Variants in ENTREP2 observed in about 807,000 individuals in gnomAD.
ENTREP2 encodes the protein endosomal transmembrane epsin interactor 2.
At chr15:29,322,439 T>C in the ENTREP2 span, among the ~76,000 whole-genome samples, 2 of 152,342 alleles carry the variant, frequency 1.3e-5, no homozygotes, top group African/African-American at 4.8e-5. Flanking sequence ...TCATATATTT[T>C]CTTATTCTTA....
At chr15:29,336,383 C>T in the ENTREP2 span, among the ~76,000 whole-genome samples, 1 of 151,870 alleles carries the variant, frequency 6.6e-6, no homozygotes, top group South Asian at 2.1e-4. Flanking sequence ...GTGATCACAG[C>T]TCACTGCAGC....
chr15:29,157,408 G>A, the ENTREP2 span, among the ~76,000 whole-genome samples: 1 of 151,980 alleles, frequency 6.6e-6, no homozygotes, highest in Non-Finnish European at 1.5e-5. Flanking sequence ...TTTCTTTGAT[G>A]AAATTACCAT....
At chr15:29,176,019 C>A in the ENTREP2 span, among the ~76,000 whole-genome samples, 2 of 152,324 alleles carry the variant, frequency 1.3e-5, no homozygotes, top group African/African-American at 4.8e-5. Context: ...AAAGCCCAGG[C>A]AGATTAAGGA....
chr15:29,354,739 G>A, the ENTREP2 span, among the ~76,000 whole-genome samples: 1 of 152,108 alleles, frequency 6.6e-6, no homozygotes, highest in Non-Finnish European at 1.5e-5. Flanking sequence ...AAGAGAAAAG[G>A]AGACTGCCCC....
chr15:29,312,441 T>A, the ENTREP2 span, among the ~76,000 whole-genome samples: 13,499 of 152,138 alleles, frequency 0.089, 663 homozygotes, highest in East Asian at 0.2. Flanking sequence ...AGATGTTGAG[T>A]TTTTTTACGG....
At chr15:29,638,299 G>A in the ENTREP2 span, among the ~76,000 whole-genome samples, 3 of 152,192 alleles carry the variant, frequency 2.0e-5, no homozygotes, top group Non-Finnish European at 4.4e-5. Flanking sequence ...GTGATCCTTG[G>A]TGGTGGGGGT....
At chr15:29,154,277 T>C in the ENTREP2 span, among the ~76,000 whole-genome samples, 1 of 152,126 alleles carries the variant, frequency 6.6e-6, no homozygotes, top group East Asian at 1.9e-4. Flanking sequence ...TGTTCTTTTT[T>C]TTTGCCTCGT....
the ENTREP2 span, among the ~76,000 whole-genome samples, chr15:29,500,858 G>A: frequency 6.6e-6 from 1 of 151,916 alleles, no homozygotes; most frequent in Non-Finnish European, 1.5e-5. Context: ...GCTGAGCAAA[G>A]AAAAAATAGA....
At chr15:29,296,883 A>G in the ENTREP2 span, among the ~76,000 whole-genome samples, 22,204 of 152,130 alleles carry the variant, frequency 0.15, 2,446 homozygotes, top group African/African-American at 0.31. Context: ...AAACTGTAGC[A>G]CATGGGTCAA....
At chr15:29,325,655 G>A in the ENTREP2 span, among the ~76,000 whole-genome samples, 1 of 151,816 alleles carries the variant, frequency 6.6e-6, no homozygotes, top group African/African-American at 2.4e-5. Flanking sequence ...TTTCACTGAC[G>A]AATCCTACTA....
chr15:29,596,778 C>G, the ENTREP2 span, among the ~76,000 whole-genome samples: 1 of 152,004 alleles, frequency 6.6e-6, no homozygotes, highest in African/African-American at 2.4e-5. Context: ...AGCCATTCTC[C>G]CTGCCTCAGC....
At chr15:29,319,894 C>T in the ENTREP2 span, among the ~76,000 whole-genome samples, 26,313 of 152,076 alleles carry the variant, frequency 0.17, 2,837 homozygotes, top group Non-Finnish European at 0.25. Flanking sequence ...AGGGGGACAC[C>T]CTACACTTTT....
At chr15:29,300,400 T>TGGATGGAC in the ENTREP2 span, among the ~76,000 whole-genome samples, 1 of 142,448 alleles carries the variant, frequency 7.0e-6, no homozygotes, top group African/African-American at 2.6e-5. Flanking sequence ...GATGGATAAA[T>TGGATGGAC]GGATGGATGG....
chr15:29,117,870 G>C, the ENTREP2 span: 95,366 of 151,392 alleles, frequency 0.63, 35,543 homozygotes, highest in Middle Eastern at 0.85. Flanking sequence ...GCATACCCGG[G>C]CAGGGCTCCC....
At chr15:29,571,851 C>A in the ENTREP2 span, among the ~76,000 whole-genome samples, 1 of 152,014 alleles carries the variant, frequency 6.6e-6, no homozygotes, top group Non-Finnish European at 1.5e-5. Context: ...AAAAGGGCTG[C>A]ATTGACAGAT....
At chr15:29,374,266 T>C in the ENTREP2 span, 1 of 152,168 alleles carries the variant, frequency 6.6e-6, no homozygotes, top group Non-Finnish European at 1.5e-5. Flanking sequence ...ATTCTTTGTT[T>C]CCTTTTTCCT....
chr15:29,198,950 A>G, the ENTREP2 span, among the ~76,000 whole-genome samples: 26 of 152,362 alleles, frequency 1.7e-4, no homozygotes, highest in South Asian at 5.2e-3. Flanking sequence ...TCACTGTTGT[A>G]TATTACATTG....
chr15:29,328,524 GA>G, the ENTREP2 span, among the ~76,000 whole-genome samples: 1 of 152,192 alleles, frequency 6.6e-6, no homozygotes, highest in African/African-American at 2.4e-5. Flanking sequence ...GGGTTGGGGG[GA>G]AAAGGTGCTG....
the ENTREP2 span, among the ~76,000 whole-genome samples, chr15:29,296,820 G>C: frequency 2.6e-5 from 4 of 152,170 alleles, no homozygotes; most frequent in African/African-American, 9.7e-5. Context: ...CATCCCTTAA[G>C]AGCAGGTCTA....
Sources: gnomAD v4.1 joint callset for allele counts (sites outside exome capture counted in the v4.1 genomes callset) on GRCh38, gnomAD v4.1.1 for gene constraint, MANE v1.5 for transcripts, NCBI Gene and HGNC (gene_info 2026-07-23, HGNC 2026-07-21) for gene names.